MCPH1: variants seen among roughly 807,000 people sequenced by gnomAD.
The protein encoded by MCPH1 is microcephalin 1.
MCPH1 carries 104 observed loss-of-function variants against 84.5 expected under a neutral mutation model. The observed-to-expected ratio is 1.23, with a 90% CI of 1.05 to 1.45. MCPH1 has a LOEUF of 1.45. Among genes scored for constraint, MCPH1 ranks in the 40% most tolerant of loss-of-function variants. The pLI is 0.00. For synonymous variants in MCPH1, 514 were observed against 366.8 expected (o/e 1.40, Z -4.58); for missense variants, 1,498 against 1,005.7 (o/e 1.49, Z -6.62).
chr8:6,543,436 G>A (rs554476087), intron 12 of MCPH1, among the ~76,000 whole-genome samples: 72 of 152,234 alleles, frequency 4.7e-4, no homozygotes, highest in Non-Finnish European at 5.7e-4. Flanking sequence ...ACACATTTCC[G>A]TGCTCTGCAG....
intron 12 of MCPH1, among the ~76,000 whole-genome samples, chr8:6,607,241 A>G (rs1288401640): frequency 2.6e-5 from 4 of 152,222 alleles, no homozygotes; most frequent in Non-Finnish European, 5.9e-5. Context: ...GAAGACACAG[A>G]GCACAGAGAA....
At position 6,558,302 on chromosome 8, in the gene MCPH1, C is replaced by T. The variant is rs561024326; in HGVS notation, c.2214+58373C>T. Among the ~76,000 whole-genome samples, 15 of 152,094 alleles carry T rather than the reference C, an allele frequency of 9.9e-5. 1 individual carries two copies. The highest frequency in any genetic ancestry group is 1.9e-4 in the East Asian group (1 of 5,196). ...GGAAAGAGAATCTACTTCCTATTTC[C>T]ACCATTTTAATAGCCTGACATATTT... On this transcript the variant is annotated intron_variant, in intron 12 of 13. Coordinates refer to ENST00000344683, the MANE Select transcript of MCPH1 (RefSeq NM_024596.5).
At chr8:6,462,115 C>G (rs1452786167) in intron 9 of MCPH1, among the ~76,000 whole-genome samples, 1 of 152,070 alleles carries the variant, frequency 6.6e-6, no homozygotes, top group Non-Finnish European at 1.5e-5. Context: ...AGCCTGGAGG[C>G]CTGGAGAGAT....
chr8:6,508,716 T>A, intron 12 of MCPH1: 3 of 655,412 alleles, frequency 4.6e-6, no homozygotes, highest in Non-Finnish European at 7.8e-6. Context: ...GGAGACACAG[T>A]TGGCTTGCTG....
In MCPH1 at chr8:6,444,718, G is replaced by C. The variant is rs765618996; in HGVS notation, c.996G>C (p.Leu332Phe). 1.9e-6 allele frequency: 3 copies of C among 1,613,964 alleles called. No individual in the cohort carries two copies. The highest frequency in any genetic ancestry group is 1.3e-5 in the African/African-American group (1 of 74,920). The change falls in exon 8 of 14, where the codon TTG becomes TTC. Residue 332 changes from leucine to phenylalanine, a missense_variant. Coordinates refer to ENST00000344683, the MANE Select transcript of MCPH1 (RefSeq NM_024596.5). ...AGACGTTTGAAGAGAAGTATCGTTT[G>C]TCTCCTACCTTATCTTCAACAAAAG... is the stretch of plus-strand genomic sequence containing the variant. ...SQETFEEKYR[L>F]SPTLSSTKGH...
intron 3 of MCPH1, among the ~76,000 whole-genome samples, chr8:6,421,288 C>G (rs1800160360): frequency 6.6e-6 from 1 of 152,170 alleles, no homozygotes; most frequent in Non-Finnish European, 1.5e-5. Context: ...GCCAATTTAT[C>G]ACTTTTAGAG....
intron 9 of MCPH1, among the ~76,000 whole-genome samples, chr8:6,471,958 C>G (rs1405351259): frequency 1.3e-5 from 2 of 152,136 alleles, no homozygotes; most frequent in African/African-American, 4.8e-5. Flanking sequence ...ATTTTCAAAA[C>G]TAAATTTATT....
At chr8:6,429,851 G>C (rs1420974556) in intron 3 of MCPH1, among the ~76,000 whole-genome samples, 1 of 151,958 alleles carries the variant, frequency 6.6e-6, no homozygotes, top group Non-Finnish European at 1.5e-5. Context: ...ATCTGCCCAC[G>C]ACCCCTCCCT....
At chr8:6,447,145 T>C (rs1295874041) in intron 8 of MCPH1, 2 of 985,318 alleles carry the variant, frequency 2.0e-6, no homozygotes, top group Admixed American at 6.1e-5. Context: ...AAGACCTACA[T>C]GTTGGCTAGC....
intron 12 of MCPH1, among the ~76,000 whole-genome samples, chr8:6,614,872 C>G (rs1286218227): frequency 6.6e-6 from 1 of 151,950 alleles, no homozygotes; most frequent in Non-Finnish European, 1.5e-5. Context: ...TCCCTCCCTT[C>G]CCCAACCCCA....
chr8:6,412,900 T>A lies in MCPH1; in HGVS notation c.115-1865T>A, dbSNP rs144730134. ...ACGGGCAGTGCCATGAAATTCACAATGAAAAGAAAGAGAAACCAGCAACGC... is the reference window on the plus strand; with the variant it reads ...ACGGGCAGTGCCATGAAATTCACAAAGAAAAGAAAGAGAAACCAGCAACGC... On this transcript the variant is annotated intron_variant, in intron 2 of 13. Transcript: ENST00000344683. Among the ~76,000 whole-genome samples, 835 of 152,338 alleles carry A rather than the reference T, an allele frequency of 5.5e-3. 3 individuals carry two copies. The highest frequency in any genetic ancestry group is 0.014 in the Middle Eastern group (4 of 294).
intron 12 of MCPH1, among the ~76,000 whole-genome samples, chr8:6,555,725 A>T (rs1432228412): frequency 6.6e-6 from 1 of 152,186 alleles, no homozygotes; most frequent in African/African-American, 2.4e-5. Flanking sequence ...GGCCTCCGAA[A>T]GTGCTGCGAT....
chr8:6,636,423 G>C (rs374361949), intron 13 of MCPH1, among the ~76,000 whole-genome samples: 16 of 151,822 alleles, frequency 1.1e-4, no homozygotes, highest in African/African-American at 3.4e-4. Context: ...GGCTGAGATA[G>C]TGATACCTCT....
At position 6,424,504 on chromosome 8, in the gene MCPH1, G is replaced by A. The variant is rs546585498; in HGVS notation, c.234-6995G>A. Among the ~76,000 whole-genome samples the A allele has an allele frequency of 3.9e-5, 6 of 152,280 alleles. No homozygotes were observed. The East Asian group carries it at 1.2e-3, about 29-fold the overall frequency. ...TCCATTCCTATCCTACCAGCAGCCA[G>A]CTCCACTTCCCGCCTCCTCAGCCTT... On this transcript the variant is annotated intron_variant, in intron 3 of 13. Coordinates refer to ENST00000344683, the MANE Select transcript of MCPH1 (RefSeq NM_024596.5).
chr8:6,615,012 C>T (rs191636470), intron 12 of MCPH1, among the ~76,000 whole-genome samples: 10 of 152,336 alleles, frequency 6.6e-5, no homozygotes, highest in Admixed American at 6.5e-4. Context: ...GCTCAGGTTT[C>T]TAAGGTCCCC....
chr8:6,431,369 T>C (rs1023089787), intron 3 of MCPH1, 130 bp from the exon 4 acceptor site: 3 of 704,822 alleles, frequency 4.3e-6, no homozygotes, highest in Non-Finnish European at 7.4e-6. Context: ...GTTGTATTTA[T>C]TTTTTAAAAG....
chr8:6,413,653 A>G (rs112795802), intron 2 of MCPH1, among the ~76,000 whole-genome samples: 27 of 151,940 alleles, frequency 1.8e-4, no homozygotes, highest in African/African-American at 5.8e-4. Flanking sequence ...ATATTTCTGT[A>G]GAAAATTTTT....
rs774707837 is a variant in MCPH1, at chr8:6,442,093, G to C, written c.607G>C (p.Asp203His). Residue 203 changes from aspartate (D) to histidine (H), a missense_variant, in exon 7 of 14, where the codon GAT (aspartate) becomes CAT (histidine). Transcript: ENST00000344683. The part of the protein sequence containing the change: ...TSSQMIQQSH[D>H]NPSNSLCEAP... ...TTCCCAAATGATTCAGCAGTCTCAT[G>C]ATAATCCAAGTAACTCTCTGTGTGA... The C allele has an allele frequency of 4.3e-6, 7 of 1,613,316 alleles. No homozygotes were observed. The African/African-American group carries it at 6.7e-5, about 15-fold the overall frequency.
At chr8:6,529,530 C>G (rs1351925614) in intron 12 of MCPH1, among the ~76,000 whole-genome samples, 1 of 150,950 alleles carries the variant, frequency 6.6e-6, no homozygotes, top group African/African-American at 2.4e-5. Flanking sequence ...CTGTTCACTA[C>G]AGACTCTGCC....
Sources: allele counts gnomAD v4.1 joint callset (sites outside exome capture counted in the v4.1 genomes callset), GRCh38; gene constraint gnomAD v4.1.1; transcripts MANE v1.5; gene names NCBI Gene and HGNC (gene_info 2026-07-23, HGNC 2026-07-21).